Variants in PCDH9 observed in about 807,000 individuals in gnomAD.
PCDH9 encodes protocadherin 9.
A neutral mutation model predicts 70.6 loss-of-function variants in PCDH9; 24 were observed. The ratio of observed to expected loss-of-function variants is 0.34; its 90% confidence interval spans 0.25 to 0.48. PCDH9 has a LOEUF of 0.48. Ranked by LOEUF, PCDH9 falls within the 20% of genes least tolerant of loss-of-function variation. The probability of loss-of-function intolerance (pLI) is 0.99; values close to 1 mark genes in which losing one functional copy is unlikely to be tolerated. For missense variants in PCDH9, 1,281 were observed against 1,503.6 expected (o/e 0.85, Z 2.45); for synonymous variants, 562 against 558.5 (o/e 1.01, Z -0.09).
chr13:66,332,822 G>GTA (rs148772791), intron 4 of PCDH9, among the ~76,000 whole-genome samples: 3,693 of 147,838 alleles, frequency 0.025, 114 homozygotes, highest in African/African-American at 0.079. Context: ...ATATATATAT[G>GTA]TATATATATA....
rs148774153 is a variant in PCDH9, at chr13:66,913,519, G to A, written c.3037-9914C>T. Among the ~76,000 whole-genome samples the A allele has an allele frequency of 5.2e-3, 796 of 151,948 alleles. 9 individuals carry two copies. Among genetic ancestry groups the A allele is most frequent in the African/African-American group, 0.018 (751 of 41,478 alleles). The stretch of plus-strand genomic sequence containing the variant: ...ACCACCGGCTATGTAGGGGGTGTTG[G>A]GCTTGAACCTCAGCTCTATCATCAT... On this transcript the variant is annotated intron_variant, in intron 2 of 4. Transcript: ENST00000377865.
intron 2 of PCDH9, among the ~76,000 whole-genome samples, chr13:66,940,893 T>A (rs187292608): frequency 9.9e-5 from 15 of 152,098 alleles, no homozygotes; most frequent in African/African-American, 2.6e-4. Context: ...GGAGGTGTTT[T>A]CCCACATTGA....
chr13:66,355,069 A>G (rs149594761), intron 4 of PCDH9, among the ~76,000 whole-genome samples: 2 of 152,244 alleles, frequency 1.3e-5, no homozygotes, highest in Admixed American at 1.3e-4. Flanking sequence ...TGACAGGGCT[A>G]GAGTACAAGC....
chr13:67,219,336 C>T (rs1193641992), intron 2 of PCDH9: 1 of 151,910 alleles, frequency 6.6e-6, no homozygotes, highest in African/African-American at 2.4e-5. Flanking sequence ...AGGTTTGTAT[C>T]AAACAAAGGC....
intron 3 of PCDH9, among the ~76,000 whole-genome samples, chr13:66,811,842 T>A (rs991485760): frequency 1.3e-5 from 2 of 151,112 alleles, no homozygotes; most frequent in Admixed American, 1.3e-4. Context: ...TTTCCTTGGT[T>A]ACAAAGTTTT....
chr13:67,012,044 C>A (rs547927899), intron 2 of PCDH9, among the ~76,000 whole-genome samples: 1 of 151,876 alleles, frequency 6.6e-6, no homozygotes, highest in South Asian at 2.1e-4. Flanking sequence ...CTATGTAGAG[C>A]AGTAACTTCT....
At chr13:66,313,338 A>G (rs1301812574) in intron 4 of PCDH9, among the ~76,000 whole-genome samples, 2 of 152,196 alleles carry the variant, frequency 1.3e-5, no homozygotes, top group African/African-American at 4.8e-5. Context: ...ATTCATTCAT[A>G]TACTGCTATC....
intron 2 of PCDH9, among the ~76,000 whole-genome samples, chr13:67,008,972 A>G (rs1462124861): frequency 3.9e-5 from 6 of 152,174 alleles, no homozygotes; most frequent in Non-Finnish European, 8.8e-5. Flanking sequence ...AACTGTATGT[A>G]ATAAAGATGC....
intron 2 of PCDH9, among the ~76,000 whole-genome samples, chr13:67,100,892 A>C (rs2138238649): frequency 6.6e-6 from 1 of 152,258 alleles, no homozygotes; most frequent in South Asian, 2.1e-4. Flanking sequence ...GAGAATAAAA[A>C]CTGCTGGGAA....
chr13:66,809,110 A>G (rs929368694), intron 3 of PCDH9, among the ~76,000 whole-genome samples: 2 of 151,986 alleles, frequency 1.3e-5, no homozygotes, highest in African/African-American at 2.4e-5. Flanking sequence ...ACCACGCTCG[A>G]CTAATTTTTT....
At chr13:66,923,631 C>T (rs1303716060) in intron 2 of PCDH9, among the ~76,000 whole-genome samples, 5 of 151,606 alleles carry the variant, frequency 3.3e-5, no homozygotes, top group East Asian at 1.9e-4. Flanking sequence ...CAACCACCAA[C>T]GTCTTAATTT....
intron 2 of PCDH9, among the ~76,000 whole-genome samples, chr13:67,122,772 CAATAATAATAATAAT>C (rs56039213): frequency 2.8e-5 from 4 of 143,190 alleles, no homozygotes; most frequent in African/African-American, 5.2e-5. Context: ...GACTCTGTCT[CAATAATAATAATAAT>C]AATAATAATA....
intron 4 of PCDH9, among the ~76,000 whole-genome samples, chr13:66,394,647 G>A (rs959626556): frequency 1.3e-5 from 2 of 152,038 alleles, no homozygotes; most frequent in East Asian, 3.9e-4. Context: ...ATATTAAGTG[G>A]CTATCACCTT....
intron 3 of PCDH9, among the ~76,000 whole-genome samples, chr13:66,650,461 C>T (rs1202765970): frequency 5.9e-5 from 9 of 151,832 alleles, no homozygotes; most frequent in African/African-American, 2.2e-4. Flanking sequence ...AGCACTGGAG[C>T]ACCCAGATTT....
At chr13:67,007,108 A>T (rs1214855518) in intron 2 of PCDH9, among the ~76,000 whole-genome samples, 2 of 150,874 alleles carry the variant, frequency 1.3e-5, no homozygotes, top group Admixed American at 6.6e-5. Context: ...CTTATTCTGA[A>T]TTTTTTTTTT....
intron 4 of PCDH9, among the ~76,000 whole-genome samples, chr13:66,591,198 G>C (rs1025863275): frequency 6.6e-6 from 1 of 151,516 alleles, no homozygotes; most frequent in South Asian, 2.1e-4. Flanking sequence ...TTTTGTCTTT[G>C]AATAATTTTG....
At chr13:66,525,467 G>A (rs1253280218) in intron 4 of PCDH9, among the ~76,000 whole-genome samples, 1 of 151,868 alleles carries the variant, frequency 6.6e-6, no homozygotes, top group Non-Finnish European at 1.5e-5. Flanking sequence ...ACTCTTCAAT[G>A]TTTTCTTCTT....
chr13:66,792,683 C>A lies in PCDH9; in HGVS notation c.3138+110821G>T, dbSNP rs545230036. On this transcript the variant is annotated intron_variant, in intron 3 of 4. Coordinates refer to ENST00000377865, the MANE Select transcript of PCDH9 (RefSeq NM_203487.3). ...AAACTCCATCTCAAAACAACAACAA[C>A]AAAAACCAAGCCAAGAAAACCCACC... Among the ~76,000 whole-genome samples the A allele has an allele frequency of 2.0e-4, 30 of 151,906 alleles. 1 individual carries two copies. Among genetic ancestry groups the A allele is most frequent in the African/African-American group, 7.3e-4 (30 of 41,302 alleles).
chr13:66,522,219 A>C (rs2138611918), intron 4 of PCDH9, among the ~76,000 whole-genome samples: 1 of 151,940 alleles, frequency 6.6e-6, no homozygotes, highest in South Asian at 2.1e-4. Context: ...GGTAAAATCA[A>C]GGCATGGCAT....
Sources: gnomAD v4.1 joint callset for allele counts (sites outside exome capture counted in the v4.1 genomes callset) on GRCh38, gnomAD v4.1.1 for gene constraint, MANE v1.5 for transcripts, NCBI Gene and HGNC (gene_info 2026-07-23, HGNC 2026-07-21) for gene names.